The following MYB variants were observed in gnomAD, a reference collection of about 807,000 sequenced individuals.
MYB encodes the protein MYB proto-oncogene, transcription factor, also known as transcriptional activator Myb.
MYB carries 28 observed loss-of-function variants against 92.9 expected under a neutral mutation model. That is an observed-to-expected ratio of 0.30 (90% CI 0.22 to 0.41). The LOEUF (loss-of-function observed/expected upper bound fraction) is 0.41. MYB is among the 10% of genes least tolerant of loss of function. The pLI is 1.00. For synonymous variants in MYB, 295 were observed against 329.1 expected, an observed-to-expected ratio of 0.90 and a Z score of 1.12; for missense variants, 679 against 929.3, an observed-to-expected ratio of 0.73 and a Z score of 3.50.
chr6:135,217,803 C>T (rs41287048), intron 15 of MYB, 61 bp from the exon 16 acceptor site: 6 of 1,188,940 alleles, frequency 5.0e-6, no homozygotes, highest in Non-Finnish European at 7.6e-6. Context: ...GCTGGCCCTG[C>T]TGGGTCTATA....
intron 6 of MYB, among the ~76,000 whole-genome samples, chr6:135,192,812 C>T (rs979981694): frequency 6.6e-6 from 1 of 152,198 alleles, no homozygotes; most frequent in Non-Finnish European, 1.5e-5. Context: ...GACTAGAAAA[C>T]GAGCTGTCCG....
rs1341493542 is a variant in MYB, at chr6:135,189,846, TCATC to T, written c.270_273del (p.Ile91ArgfsTer12). Reference sequence around the variant, plus strand: ...TGGCAGAAAGTACTAAACCCTGAGCTCATCAAGGGTCCTTGGACCAAAGAAGAAG... The same window carrying T: ...TGGCAGAAAGTACTAAACCCTGAGCTAAGGGTCCTTGGACCAAAGAAGAAG... On this transcript the variant is annotated frameshift_variant, in exon 4 of 16. Transcript: ENST00000341911. LOFTEE classifies it high-confidence loss of function. 1 of 1,613,998 alleles carries T rather than the reference TCATC, an allele frequency of 6.2e-7. No individual in the cohort carries two copies. The highest frequency in any genetic ancestry group is 8.5e-7 in the Non-Finnish European group (1 of 1,179,970).
At chr6:135,188,425 C>G (rs1011505436) in intron 3 of MYB, among the ~76,000 whole-genome samples, 3 of 152,118 alleles carry the variant, frequency 2.0e-5, no homozygotes, top group Non-Finnish European at 4.4e-5. Context: ...GGGCTCCTGC[C>G]CTCTCATTTG....
intron 1 of MYB, 48 bp from the exon 2 acceptor site, chr6:135,185,854 TC>T (rs1427364580): frequency 7.0e-7 from 1 of 1,434,002 alleles, no homozygotes; most frequent in East Asian, 2.3e-5. Flanking sequence ...CCAGTAGTAG[TC>T]TAAATCCTCT....
intron 15 of MYB, among the ~76,000 whole-genome samples, chr6:135,211,206 C>T (rs968881659): frequency 2.0e-5 from 3 of 148,680 alleles, no homozygotes; most frequent in Non-Finnish European, 3.0e-5. Context: ...TGTGCTGACC[C>T]GCTCCCCTGG....
chr6:135,198,016 TAATTA>T (rs1777567725), intron 10 of MYB, among the ~76,000 whole-genome samples: 1 of 152,234 alleles, frequency 6.6e-6, no homozygotes, highest in African/African-American at 2.4e-5. Flanking sequence ...ATTATTTAAA[TAATTA>T]AATTAATAGA....
In MYB at chr6:135,187,897, T is replaced by C; in HGVS notation, c.205T>C (p.Tyr69His). ...GTDDWKVIAN[Y>H]LPNRTDVQCQ... Reference sequence around the variant, plus strand: ...AGATGACTGGAAAGTTATTGCCAATTATCTCCCGGTAAGTTAGTAAGTTTT... The same window carrying C: ...AGATGACTGGAAAGTTATTGCCAATCATCTCCCGGTAAGTTAGTAAGTTTT... The change falls in exon 3 of 16, where the codon TAT becomes CAT. Residue 69 changes from tyrosine to histidine, a missense_variant. Tyr to His is a moderately conservative substitution (Grantham distance 83). Around this residue, in one of 8 missense-constraint regions of MYB, gnomAD observed 88 missense variants for 145.6 expected, o/e 0.60. Coordinates refer to ENST00000341911, the MANE Select transcript of MYB (RefSeq NM_001130173.2). 1 of 1,608,542 alleles carries C rather than the reference T, an allele frequency of 6.2e-7. No homozygotes were observed. Among genetic ancestry groups the C allele is most frequent in the Non-Finnish European group, 8.5e-7 (1 of 1,176,304 alleles).
chr6:135,195,361 C>CA, intron 8 of MYB: 2 of 236,770 alleles, frequency 8.4e-6, no homozygotes, highest in African/African-American at 2.3e-5. Flanking sequence ...AGTCCTCTAG[C>CA]TTTTTTGTGG....
At chr6:135,196,726 A>T in intron 9 of MYB, 1 of 1,495,016 alleles carries the variant, frequency 6.7e-7, no homozygotes, top group East Asian at 2.7e-5. Context: ...TTGCATGCAG[A>T]TGTAGAGTGT....
chr6:135,195,182 A>G (rs1233158227), intron 8 of MYB: 2 of 939,036 alleles, frequency 2.1e-6, no homozygotes, highest in Non-Finnish European at 2.8e-6. Context: ...ATGTTTTGCA[A>G]TTTCTCCTGT....
chr6:135,192,113 A>C (rs529419641), intron 5 of MYB, among the ~76,000 whole-genome samples: 1 of 152,328 alleles, frequency 6.6e-6, no homozygotes, highest in South Asian at 2.1e-4. Context: ...AGAAAACGAC[A>C]TGCATTCCAG....
intron 8 of MYB, chr6:135,195,121 A>T: frequency 8.0e-7 from 1 of 1,244,826 alleles, no homozygotes; most frequent in Non-Finnish European, 1.0e-6. Flanking sequence ...TTGTTAAATA[A>T]TAAGATGTTT....
At chr6:135,195,098 G>T in intron 8 of MYB, 1 of 1,258,548 alleles carries the variant, frequency 7.9e-7, no homozygotes. Context: ...ATTCCTAGGG[G>T]TAAATTTATT....
Position 135,200,357 on chromosome 6 carries a change from G to T in MYB, c.1892G>T (p.Gly631Val). ...DVIKQESDES[G>V]IVAEFQENGP... ...ATCAAACAGGAATCTGATGAATCTG[G>T]AATTGTTGCTGAGTTTCAAGAAAAT... Residue 631 changes from glycine to valine, a missense_variant, in exon 13 of 16, where the codon GGA (glycine) becomes GTA (valine). Transcript: ENST00000341911. 6.2e-7 allele frequency: 1 copy of T among 1,614,076 alleles called. No individual in the cohort carries two copies. Among genetic ancestry groups the T allele is most frequent in the Non-Finnish European group, 8.5e-7 (1 of 1,179,998 alleles).
intron 3 of MYB, among the ~76,000 whole-genome samples, chr6:135,189,509 GT>G (rs1212796968): frequency 6.6e-6 from 1 of 152,138 alleles, no homozygotes; most frequent in Admixed American, 6.5e-5. Context: ...TGAGGTTAAG[GT>G]TAACTTGGCA....
At chr6:135,200,602 C>T in intron 13 of MYB, 187 bp downstream of exon 13, 2 of 763,980 alleles carry the variant, frequency 2.6e-6, no homozygotes, top group South Asian at 1.5e-5. Flanking sequence ...TTTGGGAAGC[C>T]AAGCCATCTC....
intron 15 of MYB, among the ~76,000 whole-genome samples, chr6:135,208,524 C>T (rs190451898): frequency 9.5e-4 from 144 of 150,926 alleles, no homozygotes; most frequent in African/African-American, 3.2e-3. Context: ...GGACTATAGG[C>T]ACATGCCACC....
intron 1 of MYB, among the ~76,000 whole-genome samples, chr6:135,183,908 A>G (rs778478504): frequency 6.6e-6 from 1 of 152,216 alleles, no homozygotes; most frequent in Non-Finnish European, 1.5e-5. Context: ...AAGGCGAGGA[A>G]CTGAAGTCTT....
At chr6:135,191,938 C>T (rs1297696698) in intron 5 of MYB, among the ~76,000 whole-genome samples, 1 of 152,184 alleles carries the variant, frequency 6.6e-6, no homozygotes, top group Non-Finnish European at 1.5e-5. Context: ...GGTGTGTAGG[C>T]CCTGCTGTGC....
Sources: gnomAD v4.1 joint callset for allele counts (sites outside exome capture counted in the v4.1 genomes callset) on GRCh38, gnomAD v4.1.1 for gene constraint, gnomAD v4.1.1 regional missense constraint, MANE v1.5 for transcripts, NCBI Gene and HGNC (gene_info 2026-07-23, HGNC 2026-07-21) for gene names.